CALU: variants seen among roughly 807,000 people sequenced by gnomAD.
CALU encodes calumenin, also known as IEF SSP 9302.
Under a neutral mutation model 37.5 loss-of-function variants are expected in CALU, and 13 were observed. The observed-to-expected ratio is 0.35, with a 90% CI of 0.23 to 0.55. CALU has a LOEUF of 0.55. CALU is among the 20% of genes least tolerant of loss of function. The probability of loss-of-function intolerance (pLI) is 0.89; values close to 1 mark genes in which losing one functional copy is unlikely to be tolerated. For synonymous variants in CALU, 114 were observed against 133.8 expected, an observed-to-expected ratio of 0.85 and a Z score of 1.02; for missense variants, 282 against 391.7, an observed-to-expected ratio of 0.72 and a Z score of 2.36.
intron 6 of CALU, among the ~76,000 whole-genome samples, chr7:128,768,858 A>AAAAAAAAAAAAAAAC (rs1562883614): frequency 2.0e-5 from 3 of 150,384 alleles, no homozygotes; most frequent in African/African-American, 7.4e-5. Context: ...AAAAAAAAAA[A>AAAAAAAAAAAAAAAC]AAAAAAAAAA....
chr7:128,758,220 C>T lies in CALU; in HGVS notation c.416-651C>T, dbSNP rs570280471. ...ACCTGTCACTCTTGGTAGATTTCTGCGTTGACTGAAAAAAAACAGAATGTG... is the reference window on the plus strand; with the variant it reads ...ACCTGTCACTCTTGGTAGATTTCTGTGTTGACTGAAAAAAAACAGAATGTG... On this transcript the variant is annotated intron_variant, in intron 3 of 6. Transcript: ENST00000249364. Among the ~76,000 whole-genome samples the T allele has an allele frequency of 1.6e-3, 241 of 151,996 alleles. 5 individuals are homozygous for T. The South Asian group carries it at 0.041, about 26-fold the overall frequency.
intron 5 of CALU, among the ~76,000 whole-genome samples, chr7:128,764,564 G>A (rs556302984): frequency 1.3e-5 from 2 of 152,230 alleles, no homozygotes; most frequent in East Asian, 1.9e-4. Flanking sequence ...ATTTGGACAC[G>A]ACAACTTTAA....
chr7:128,743,301 A>T (rs1218053669), intron 1 of CALU, among the ~76,000 whole-genome samples: 1 of 152,172 alleles, frequency 6.6e-6, no homozygotes, highest in Non-Finnish European at 1.5e-5. Flanking sequence ...AGATCACATG[A>T]TAAAAGCTCA....
intron 2 of CALU, among the ~76,000 whole-genome samples, chr7:128,753,656 A>G (rs1800759900): frequency 6.6e-6 from 1 of 152,238 alleles, no homozygotes; most frequent in African/African-American, 2.4e-5. Context: ...TTTTTAGACA[A>G]GCATCTTCCT....
chr7:128,754,318 T>G lies in CALU; in HGVS notation c.278T>G (p.Leu93Arg). The G allele has an allele frequency of 6.2e-7, 1 of 1,614,098 alleles. No homozygotes were observed. The highest frequency in any genetic ancestry group is 8.5e-7 in the Non-Finnish European group (1 of 1,179,966). The stretch of plus-strand genomic sequence containing the variant: ...GACGGGTTTGTCACTGTGGATGAGC[T>G]CAAAGACTGGATTAAATTTGCACAA... Reference protein sequence around the residue: ...DKDGFVTVDELKDWIKFAQKR... With the variant: ...DKDGFVTVDERKDWIKFAQKR... Residue 93 changes from leucine (L) to arginine (R), a missense_variant, in exon 3 of 7, where the codon CTC (leucine) becomes CGC (arginine). Physicochemically the swap from Leu to Arg is moderately radical, Grantham distance 102. Transcript: ENST00000249364.
chr7:128,759,115 AT>A, intron 4 of CALU, 78 bp downstream of exon 4: 1 of 1,054,264 alleles, frequency 9.5e-7, no homozygotes, highest in Non-Finnish European at 1.4e-6. Flanking sequence ...CTTTAGCCTT[AT>A]ATAGCATATC....
intron 1 of CALU, among the ~76,000 whole-genome samples, chr7:128,743,068 T>C (rs1318747015): frequency 2.6e-5 from 4 of 152,184 alleles, no homozygotes; most frequent in African/African-American, 7.2e-5. Context: ...GTAACACTTA[T>C]ACCAATCGCA....
At position 128,772,721 on chromosome 7, in the gene CALU, C is replaced by G. The variant is rs1007417450; in HGVS notation, c.*3554C>G. On this transcript the variant is annotated 3_prime_UTR_variant, in exon 7 of 7. Transcript: ENST00000249364. Reference sequence around the variant, plus strand: ...GATGAGGAAGTATGGGAAAAAAGACCTTATTCTCTGTATCACCAAAGCCTT... The same window carrying G: ...GATGAGGAAGTATGGGAAAAAAGACGTTATTCTCTGTATCACCAAAGCCTT... 3.1e-5 allele frequency: 50 copies of G among 1,607,836 alleles called. No individual in the cohort carries two copies. Among genetic ancestry groups the G allele is most frequent in the Non-Finnish European group, 4.1e-5 (48 of 1,174,674 alleles).
At chr7:128,748,061 A>G (rs1285865558) in intron 1 of CALU, 4 of 267,880 alleles carry the variant, frequency 1.5e-5, no homozygotes, top group Non-Finnish European at 2.8e-5. Flanking sequence ...GAACATCAGA[A>G]TCACCTGAAA....
chr7:128,742,277 T>C (rs1800268341), intron 1 of CALU, among the ~76,000 whole-genome samples: 1 of 152,232 alleles, frequency 6.6e-6, no homozygotes, highest in South Asian at 2.1e-4. Context: ...GCTATCAGTC[T>C]GTTCCCTGTA....
At chr7:128,760,679 C>G (rs537096478) in intron 5 of CALU, among the ~76,000 whole-genome samples, 2 of 152,136 alleles carry the variant, frequency 1.3e-5, no homozygotes, top group African/African-American at 4.8e-5. Flanking sequence ...GAGGCCGAGG[C>G]GGGCGGATCA....
chr7:128,759,307 A>G (rs890626000), intron 4 of CALU, among the ~76,000 whole-genome samples: 1 of 152,200 alleles, frequency 6.6e-6, no homozygotes, highest in African/African-American at 2.4e-5. Context: ...TGGTAGCTTC[A>G]TATTGTAAGA....
intron 1 of CALU, among the ~76,000 whole-genome samples, chr7:128,746,762 C>CTTTTTTTTTTTTTTTTTTTTTT (rs71162530): frequency 8.2e-6 from 1 of 122,660 alleles, no homozygotes; most frequent in Non-Finnish European, 1.6e-5. Context: ...TCATGTCATT[C>CTTTTTTTTTTTTTTTTTTTTTT]TTTTTTTTTT....
At chr7:128,756,463 A>G (rs766679562) in intron 3 of CALU, among the ~76,000 whole-genome samples, 25 of 152,192 alleles carry the variant, frequency 1.6e-4, no homozygotes, top group African/African-American at 5.8e-4. Context: ...GGTGGACAGC[A>G]CTGAGGGGGT....
At chr7:128,757,895 T>C (rs1023892348) in intron 3 of CALU, among the ~76,000 whole-genome samples, 1 of 147,374 alleles carries the variant, frequency 6.8e-6, no homozygotes, top group Non-Finnish European at 1.5e-5. Context: ...AAATTCAATT[T>C]GGTTGTAATC....
chr7:128,759,092 TTC>T, intron 4 of CALU, 55 bp downstream of exon 4: 2 of 1,417,392 alleles, frequency 1.4e-6, no homozygotes, highest in Non-Finnish European at 2.0e-6. Context: ...TTGTGGCTTA[TTC>T]TGTCTTTCCC....
Position 128,742,055 on chromosome 7 carries a change from A to G in CALU, c.-12+2623A>G, listed in dbSNP as rs541817609. Reference sequence around the variant, plus strand: ...CCATCACACAATATAATTAGAATGTATTGATGAACAGATGTAACTTCATCA... The same window carrying G: ...CCATCACACAATATAATTAGAATGTGTTGATGAACAGATGTAACTTCATCA... On this transcript the variant is annotated intron_variant, in intron 1 of 6. Transcript: ENST00000249364. Among the ~76,000 whole-genome samples, 6 of 152,330 alleles carry G rather than the reference A, an allele frequency of 3.9e-5. No individual in the cohort carries two copies. In the East Asian group the frequency reaches 1.2e-3, roughly 29 times the overall value.
At chr7:128,742,904 CT>C (rs1185700491) in intron 1 of CALU, among the ~76,000 whole-genome samples, 14 of 152,154 alleles carry the variant, frequency 9.2e-5, no homozygotes, top group Admixed American at 9.2e-4. Flanking sequence ...CTGTTCTAAT[CT>C]TTTGGTTTGT....
intron 5 of CALU, among the ~76,000 whole-genome samples, chr7:128,760,163 A>G (rs1010356471): frequency 1.3e-5 from 2 of 152,142 alleles, no homozygotes; most frequent in African/African-American, 4.8e-5. Flanking sequence ...ACGCCATTGC[A>G]CTCCAGCCTG....
Sources: gnomAD v4.1 joint callset for allele counts (sites outside exome capture counted in the v4.1 genomes callset) on GRCh38, gnomAD v4.1.1 for gene constraint, MANE v1.5 for transcripts, NCBI Gene and HGNC (gene_info 2026-07-23, HGNC 2026-07-21) for gene names.